The following DLGAP2 variants were observed in gnomAD, a reference collection of about 807,000 sequenced individuals.
DLGAP2 encodes DLG associated protein 2.
Under a neutral mutation model 100.3 loss-of-function variants are expected in DLGAP2, and 26 were observed. The observed-to-expected ratio is 0.26, with a 90% CI of 0.19 to 0.36. DLGAP2 has a LOEUF of 0.36. Among genes scored for constraint, DLGAP2 ranks in the 10% least tolerant of loss-of-function variants. The pLI, the probability that DLGAP2 is intolerant of heterozygous loss-of-function variation, is 1.00. For missense variants in DLGAP2, 1,858 were observed against 1,453.2 expected, an observed-to-expected ratio of 1.28 and a Z score of -4.53; for synonymous variants, 886 against 630.1, an observed-to-expected ratio of 1.41 and a Z score of -6.08.
rs188872840 is a variant in DLGAP2 at position 848,186 on chromosome 8, C to T, written c.19-59726C>T. ...AGACACTGGCTTCTTCCAGTTCGCA[C>T]GATGTATTATAGACTTATCTATATT... On this transcript the variant is annotated intron_variant, in intron 1 of 14. Coordinates refer to ENST00000637795, the MANE Select transcript of DLGAP2 (RefSeq NM_001346810.2). Among the ~76,000 whole-genome samples, 54 of 152,164 alleles carry T rather than the reference C, an allele frequency of 3.5e-4. 1 individual carries two copies. Among genetic ancestry groups the T allele is most frequent in the Admixed American group, 2.0e-3 (30 of 15,280 alleles).
intron 1 of DLGAP2, among the ~76,000 whole-genome samples, chr8:857,869 A>G (rs917070548): frequency 5.5e-5 from 7 of 126,618 alleles, no homozygotes; most frequent in South Asian, 3.0e-4. Context: ...AAACTTGCAC[A>G]TGATTTTTTT....
chr8:1,532,068 G>C (rs1801005510), intron 4 of DLGAP2, among the ~76,000 whole-genome samples: 1 of 152,194 alleles, frequency 6.6e-6, no homozygotes, highest in African/African-American at 2.4e-5. Flanking sequence ...GCATTCTTTT[G>C]AGTTTCTGAT....
At chr8:1,268,889 C>A (rs1386472305) in intron 3 of DLGAP2, among the ~76,000 whole-genome samples, 1 of 152,212 alleles carries the variant, frequency 6.6e-6, no homozygotes, top group African/African-American at 2.4e-5. Context: ...GACCTTCAGG[C>A]TAAGTCGGCT....
intron 2 of DLGAP2, among the ~76,000 whole-genome samples, chr8:966,950 A>C (rs181780282): frequency 7.2e-5 from 11 of 152,360 alleles, no homozygotes; most frequent in Admixed American, 3.3e-4. Flanking sequence ...AGATAAATCT[A>C]CTGGCCATTG....
chr8:1,092,124 C>A (rs146088715), intron 2 of DLGAP2, among the ~76,000 whole-genome samples: 302 of 152,310 alleles, frequency 2.0e-3, no homozygotes, highest in African/African-American at 6.3e-3. Flanking sequence ...CCGGTGTCTG[C>A]CCCTTCATAC....
intron 2 of DLGAP2, among the ~76,000 whole-genome samples, chr8:1,087,851 C>A (rs1189503736): frequency 6.6e-6 from 1 of 152,224 alleles, no homozygotes; most frequent in African/African-American, 2.4e-5. Context: ...CATCAGCACA[C>A]AGTGCAAAGC....
intron 2 of DLGAP2, among the ~76,000 whole-genome samples, chr8:1,193,337 G>C (rs1041402559): frequency 1.3e-5 from 2 of 152,128 alleles, no homozygotes; most frequent in Non-Finnish European, 2.9e-5. Flanking sequence ...AGCACCTGTT[G>C]TTTCCTGGCT....
intron 3 of DLGAP2, among the ~76,000 whole-genome samples, chr8:1,480,575 C>G (rs541913773): frequency 1.3e-5 from 2 of 152,208 alleles, no homozygotes; most frequent in Admixed American, 1.3e-4. Context: ...ACAGGCTGGA[C>G]GCAGTGGCTC....
At chr8:954,407 G>A (rs1415178444) in intron 2 of DLGAP2, among the ~76,000 whole-genome samples, 1 of 152,176 alleles carries the variant, frequency 6.6e-6, no homozygotes, top group African/African-American at 2.4e-5. Flanking sequence ...ACCAAGAAAT[G>A]TGTTCAAAAT....
chr8:1,257,411 G>A (rs1037875915), intron 2 of DLGAP2, among the ~76,000 whole-genome samples: 1 of 151,808 alleles, frequency 6.6e-6, no homozygotes, highest in African/African-American at 2.4e-5. Context: ...AACGCCCTCC[G>A]CTCACCTCTC....
intron 2 of DLGAP2, among the ~76,000 whole-genome samples, chr8:1,139,597 C>CA (rs1398015608): frequency 6.6e-6 from 1 of 152,176 alleles, no homozygotes; most frequent in Non-Finnish European, 1.5e-5. Flanking sequence ...CTTGAGGGTA[C>CA]AAACATTCAG....
intron 3 of DLGAP2, among the ~76,000 whole-genome samples, chr8:1,425,292 G>T (rs963932859): frequency 6.6e-6 from 1 of 152,156 alleles, no homozygotes; most frequent in African/African-American, 2.4e-5. Flanking sequence ...CATGCCCATG[G>T]TAAATGGGGG....
chr8:1,646,901 G>T (rs952164281), intron 8 of DLGAP2, among the ~76,000 whole-genome samples: 6 of 152,210 alleles, frequency 3.9e-5, no homozygotes, highest in Non-Finnish European at 1.5e-5. Flanking sequence ...TCTAATCAGC[G>T]TCTGTCACCA....
At chr8:1,066,666 G>T (rs981095377) in intron 2 of DLGAP2, among the ~76,000 whole-genome samples, 1 of 152,212 alleles carries the variant, frequency 6.6e-6, no homozygotes, top group Non-Finnish European at 1.5e-5. Context: ...GGGCAGGTCT[G>T]AGTGAGGACA....
chr8:1,157,654 AG>A (rs1256092889), intron 2 of DLGAP2, among the ~76,000 whole-genome samples: 2 of 152,180 alleles, frequency 1.3e-5, no homozygotes, highest in Non-Finnish European at 2.9e-5. Context: ...AATGTACTGT[AG>A]GAAGATAATT....
chr8:1,662,780 G>C (rs1040094918), intron 8 of DLGAP2, among the ~76,000 whole-genome samples: 1 of 152,216 alleles, frequency 6.6e-6, no homozygotes, highest in African/African-American at 2.4e-5. Context: ...TGTGGGGTGT[G>C]TGTGTACACA....
chr8:801,849 G>A (rs2132656125), intron 1 of DLGAP2, among the ~76,000 whole-genome samples: 1 of 152,280 alleles, frequency 6.6e-6, no homozygotes, highest in Middle Eastern at 3.4e-3. Context: ...CCAGGTGGCT[G>A]TGCCCTTTCG....
intron 1 of DLGAP2, among the ~76,000 whole-genome samples, chr8:873,041 A>G (rs1357683753): frequency 6.6e-6 from 1 of 152,226 alleles, no homozygotes; most frequent in African/African-American, 2.4e-5. Flanking sequence ...GCATGTATGC[A>G]TGTGTAGTAT....
At chr8:1,376,897 C>T (rs1340813229) in intron 3 of DLGAP2, among the ~76,000 whole-genome samples, 1 of 152,248 alleles carries the variant, frequency 6.6e-6, no homozygotes, top group Non-Finnish European at 1.5e-5. Context: ...GCAAGGCCCA[C>T]ATCGAAGGAT....
Sources: allele counts gnomAD v4.1 joint callset (sites outside exome capture counted in the v4.1 genomes callset), GRCh38; gene constraint gnomAD v4.1.1; transcripts MANE v1.5; gene names NCBI Gene and HGNC (gene_info 2026-07-23, HGNC 2026-07-21).